CLDN18: variants seen among roughly 807,000 people sequenced by gnomAD.
CLDN18 encodes the protein claudin 18.
CLDN18 carries 20 observed loss-of-function variants against 25.0 expected under a neutral mutation model. That is an observed-to-expected ratio of 0.80 (90% CI 0.56 to 1.16). The LOEUF is 1.16. Ranked by LOEUF, CLDN18 falls within the 50% of genes most tolerant of loss-of-function variation. CLDN18 has a pLI of 0.00. For synonymous variants in CLDN18, 125 were observed against 135.6 expected, an observed-to-expected ratio of 0.92 and a Z score of 0.54; for missense variants, 297 against 345.4, an observed-to-expected ratio of 0.86 and a Z score of 1.11.
chr3:137,998,842 G>A (rs1322115889), exon 1 of CLDN18: 2 of 1,609,542 alleles, frequency 1.2e-6, no homozygotes, highest in East Asian at 4.5e-5. Context: ...CTTGTCGTGT[G>A]GCTCTGTGTC....
chr3:138,030,849 C>A, intron 4 of CLDN18, 121 bp from the exon 5 acceptor site: 1 of 893,996 alleles, frequency 1.1e-6, no homozygotes, highest in Non-Finnish European at 1.7e-6. Flanking sequence ...TTGCCCCGGA[C>A]TGATGGGTTT....
chr3:138,006,994 A>G (rs1379955245), upstream of CLDN18, among the ~76,000 whole-genome samples: 1 of 152,206 alleles, frequency 6.6e-6, no homozygotes, highest in Non-Finnish European at 1.5e-5. Context: ...GGGAATTGCC[A>G]TAGATGAAAA....
chr3:137,998,950 G>T (rs377095171), exon 1 of CLDN18: 1 of 1,614,230 alleles, frequency 6.2e-7, no homozygotes, highest in South Asian at 1.1e-5. Context: ...CACCTGCATG[G>T]ACCAGTGGAG....
chr3:138,018,148 G>A (rs1174287723), intron 1 of CLDN18, among the ~76,000 whole-genome samples: 1 of 152,164 alleles, frequency 6.6e-6, no homozygotes, highest in African/African-American at 2.4e-5. Flanking sequence ...GATTATCTTA[G>A]GTTGGGTAAT....
intron 3 of CLDN18, among the ~76,000 whole-genome samples, chr3:138,026,834 G>A (rs1942333137): frequency 6.6e-6 from 1 of 152,200 alleles, no homozygotes; most frequent in South Asian, 2.1e-4. Context: ...AACTCAGCCT[G>A]ATCCTGAGGA....
chr3:138,023,509 T>G, intron 1 of CLDN18, 149 bp from the exon 2 acceptor site: 1 of 641,300 alleles, frequency 1.6e-6, no homozygotes, highest in Non-Finnish European at 2.6e-6. Flanking sequence ...CCTTTGACAA[T>G]GGCAAGGTTC....
chr3:138,000,360 T>C (rs1285762800), intron 1 of CLDN18, among the ~76,000 whole-genome samples: 1 of 151,862 alleles, frequency 6.6e-6, no homozygotes, highest in African/African-American at 2.4e-5. Flanking sequence ...ATGGCAGCAA[T>C]ACAGAAAGGA....
intron 1 of CLDN18, chr3:137,999,146 C>T: frequency 1.3e-6 from 2 of 1,495,222 alleles, no homozygotes; most frequent in South Asian, 1.1e-5. Flanking sequence ...GAGGAAACTG[C>T]AGGCTCTGTC....
At chr3:138,015,456 T>C (rs1483367376) in intron 1 of CLDN18, among the ~76,000 whole-genome samples, 1 of 152,220 alleles carries the variant, frequency 6.6e-6, no homozygotes, top group East Asian at 1.9e-4. Context: ...GCAATGATTC[T>C]CCCAGAGAGT....
At chr3:138,014,824 A>T (rs1030011479) in intron 1 of CLDN18, among the ~76,000 whole-genome samples, 1 of 152,178 alleles carries the variant, frequency 6.6e-6, no homozygotes, top group Non-Finnish European at 1.5e-5. Flanking sequence ...CTATTTGATG[A>T]CTTAGATAAG....
chr3:138,023,826 A>T lies in CLDN18; in HGVS notation c.385+4A>T. 1 of 1,606,738 alleles carries T rather than the reference A, an allele frequency of 6.2e-7. No individual in the cohort carries two copies. The highest frequency in any genetic ancestry group is 8.5e-7 in the Non-Finnish European group (1 of 1,174,518). ...GGGATCATGTTCATTGTCTCAGGTA[A>T]ACACAGAGCCTGGAGTTCCCACTTC... On this transcript the variant is annotated splice_donor_region_variant and intron_variant, in intron 2 of 4. Coordinates refer to ENST00000183605, the MANE Select transcript of CLDN18 (RefSeq NM_016369.4).
chr3:138,021,190 C>T (rs1385071868), intron 1 of CLDN18, among the ~76,000 whole-genome samples: 1 of 152,050 alleles, frequency 6.6e-6, no homozygotes, highest in East Asian at 1.9e-4. Flanking sequence ...GTTTTGTTTA[C>T]AGTTTCCTCT....
intron 1 of CLDN18, among the ~76,000 whole-genome samples, chr3:138,022,007 A>G (rs1942276260): frequency 1.3e-5 from 2 of 152,170 alleles, no homozygotes; most frequent in African/African-American, 4.8e-5. Flanking sequence ...CCTGAAACCT[A>G]AGGAAGGAAT....
At chr3:138,030,888 A>C in intron 4 of CLDN18, 82 bp from the exon 5 acceptor site, 1 of 1,307,424 alleles carries the variant, frequency 7.6e-7, no homozygotes, top group Non-Finnish European at 1.1e-6. Context: ...CAGTGCCAAG[A>C]CTGAGACAGT....
chr3:138,011,318 G>C (rs989807555), intron 1 of CLDN18, among the ~76,000 whole-genome samples: 1 of 152,212 alleles, frequency 6.6e-6, no homozygotes, highest in African/African-American at 2.4e-5. Flanking sequence ...TAAACAAGTA[G>C]ATGGAAATAA....
At chr3:138,015,704 G>A (rs529377576) in intron 1 of CLDN18, among the ~76,000 whole-genome samples, 1 of 152,052 alleles carries the variant, frequency 6.6e-6, no homozygotes, top group Non-Finnish European at 1.5e-5. Context: ...ACTCCAGCGT[G>A]GGCAACAGAG....
At chr3:138,000,929 G>A (rs572446015) in intron 1 of CLDN18, among the ~76,000 whole-genome samples, 32 of 152,318 alleles carry the variant, frequency 2.1e-4, no homozygotes, top group Non-Finnish European at 2.9e-4. Flanking sequence ...GCCTATGGCT[G>A]ACCTCATGCC....
chr3:138,013,622 C>T (rs1040017676), intron 1 of CLDN18, among the ~76,000 whole-genome samples: 3 of 152,164 alleles, frequency 2.0e-5, no homozygotes, highest in African/African-American at 7.2e-5. Flanking sequence ...GATGTAGGAG[C>T]ACATAGCTAT....
In CLDN18 at chr3:138,031,406, T is replaced by C. The variant is rs1410372667; in HGVS notation, c.*265T>C. 3.5e-6 allele frequency: 1 copy of C among 284,418 alleles called. No individual in the cohort carries two copies. The highest frequency in any genetic ancestry group is 2.2e-5 in the African/African-American group (1 of 45,992). The allele number at this position is 284,418 out of a possible 1,614,324, so 17.6% of individuals were successfully genotyped here. On this transcript the variant is annotated 3_prime_UTR_variant, in exon 5 of 5. Coordinates refer to ENST00000183605, the MANE Select transcript of CLDN18 (RefSeq NM_016369.4). ...ATTTCTTTTTTTAAATATAACTTTC[T>C]ACTCTGATGAGAGAATGTGGTTTTA...
Sources: gnomAD v4.1 joint callset for allele counts (sites outside exome capture counted in the v4.1 genomes callset) on GRCh38, gnomAD v4.1.1 for gene constraint, MANE v1.5 for transcripts, NCBI Gene and HGNC (gene_info 2026-07-23, HGNC 2026-07-21) for gene names.